The following TENM3 variants were observed in gnomAD, a reference collection of about 807,000 sequenced individuals.
TENM3 encodes the protein teneurin-3.
Under a neutral mutation model 255.1 loss-of-function variants are expected in TENM3, and 63 were observed. That is an observed-to-expected ratio of 0.25 (90% CI 0.20 to 0.30). TENM3 has a LOEUF of 0.30. Ranked by LOEUF, TENM3 falls within the 10% of genes least tolerant of loss-of-function variation. The probability of loss-of-function intolerance (pLI) is 1.00; values close to 1 mark genes in which losing one functional copy is unlikely to be tolerated. For synonymous variants in TENM3, 1,306 were observed against 1,322.3 expected (o/e 0.99, Z 0.27); for missense variants, 2,929 against 3,461.1 (o/e 0.85, Z 3.86).
At chr4:182,399,282 A>G (rs1769065449) in intron 3 of TENM3, among the ~76,000 whole-genome samples, 1 of 152,166 alleles carries the variant, frequency 6.6e-6, no homozygotes, top group Non-Finnish European at 1.5e-5. Context: ...AGAATACTTA[A>G]GTGGTACTTT....
chr4:182,249,305 A>G (rs184361280), intron 1 of TENM3, among the ~76,000 whole-genome samples: 76 of 152,348 alleles, frequency 5.0e-4, no homozygotes, highest in African/African-American at 1.7e-3. Context: ...AAGCAATGAC[A>G]TTGTTAAAAT....
chr4:181,697,284 T>C, the TENM3 span, among the ~76,000 whole-genome samples: 1 of 152,154 alleles, frequency 6.6e-6, no homozygotes, highest in Non-Finnish European at 1.5e-5. Flanking sequence ...CTGCAACATA[T>C]GACCGATTTC....
intron 5 of TENM3, among the ~76,000 whole-genome samples, chr4:182,645,685 A>G (rs1439547383): frequency 2.0e-5 from 3 of 152,122 alleles, no homozygotes; most frequent in Admixed American, 6.6e-5. Context: ...TTTTTGGCAG[A>G]CTTCAGTCTC....
At chr4:181,678,343 G>A in the TENM3 span, among the ~76,000 whole-genome samples, 2 of 152,080 alleles carry the variant, frequency 1.3e-5, no homozygotes, top group Non-Finnish European at 2.9e-5. Context: ...ACTAAGACTC[G>A]AAAATGTGAG....
the TENM3 span, among the ~76,000 whole-genome samples, chr4:181,498,587 T>C: frequency 6.6e-6 from 1 of 152,210 alleles, no homozygotes; most frequent in African/African-American, 2.4e-5. Flanking sequence ...GGCTAACATG[T>C]GGAGCGGGGA....
chr4:182,677,199 A>G (rs1007898457), intron 7 of TENM3, among the ~76,000 whole-genome samples: 8 of 152,186 alleles, frequency 5.3e-5, no homozygotes, highest in Non-Finnish European at 1.0e-4. Flanking sequence ...TCCTGAATTC[A>G]TGTGCGAAAC....
the TENM3 span, among the ~76,000 whole-genome samples, chr4:181,744,227 A>C: frequency 1.3e-5 from 2 of 152,140 alleles, no homozygotes; most frequent in South Asian, 4.1e-4. Flanking sequence ...TCCATTAGTG[A>C]TGGGCATTTA....
chr4:181,781,850 G>A, the TENM3 span, among the ~76,000 whole-genome samples: 1 of 152,244 alleles, frequency 6.6e-6, no homozygotes, highest in Middle Eastern at 3.4e-3. Context: ...TTTTGTCTAA[G>A]GCCTTTTCTG....
intron 22 of TENM3, among the ~76,000 whole-genome samples, chr4:182,765,082 C>T (rs17264104): frequency 6.6e-6 from 1 of 151,614 alleles, no homozygotes; most frequent in Non-Finnish European, 1.5e-5. Context: ...AGATGAGTTC[C>T]GATTCGTAAA....
chr4:182,471,434 T>G (rs1733112171), intron 3 of TENM3, among the ~76,000 whole-genome samples: 1 of 152,220 alleles, frequency 6.6e-6, no homozygotes. Flanking sequence ...CTGTATGGTA[T>G]AGCCTGTTAC....
intron 1 of TENM3, among the ~76,000 whole-genome samples, chr4:182,268,060 C>A (rs999639835): frequency 1.3e-5 from 2 of 152,172 alleles, no homozygotes; most frequent in African/African-American, 4.8e-5. Flanking sequence ...AATCAGCTAA[C>A]AACCCCATGT....
At chr4:182,303,600 G>A (rs373355206) in intron 1 of TENM3, among the ~76,000 whole-genome samples, 2 of 152,122 alleles carry the variant, frequency 1.3e-5, no homozygotes, top group Admixed American at 6.5e-5. Context: ...GTTTTGAGCC[G>A]TAGCTGTCTA....
chr4:181,535,613 A>C, the TENM3 span, among the ~76,000 whole-genome samples: 2 of 152,220 alleles, frequency 1.3e-5, no homozygotes, highest in African/African-American at 4.8e-5. Flanking sequence ...ATAATGGCTT[A>C]CAAAGCCAAA....
chr4:181,635,986 T>C, the TENM3 span, among the ~76,000 whole-genome samples: 1 of 152,062 alleles, frequency 6.6e-6, no homozygotes, highest in East Asian at 1.9e-4. Flanking sequence ...TAAATATACA[T>C]AAACATACAT....
chr4:181,452,857 G>T, the TENM3 span, among the ~76,000 whole-genome samples: 1 of 152,166 alleles, frequency 6.6e-6, no homozygotes, highest in Non-Finnish European at 1.5e-5. Flanking sequence ...TTTGGTGGCA[G>T]GATTTCGAAG....
intron 3 of TENM3, among the ~76,000 whole-genome samples, chr4:182,437,015 C>T (rs1368144280): frequency 3.2e-5 from 3 of 94,016 alleles, no homozygotes; most frequent in Non-Finnish European, 4.4e-5. Context: ...GCAGCAAGAA[C>T]GAAACTCCGC....
At chr4:182,480,511 G>A (rs1201506086) in intron 3 of TENM3, among the ~76,000 whole-genome samples, 1 of 151,898 alleles carries the variant, frequency 6.6e-6, no homozygotes, top group Non-Finnish European at 1.5e-5. Context: ...TTTTAAGTTT[G>A]CTTGTAGGCC....
At chr4:182,542,924 A>C (rs1347766763) in intron 3 of TENM3, among the ~76,000 whole-genome samples, 1 of 152,224 alleles carries the variant, frequency 6.6e-6, no homozygotes. Flanking sequence ...GATGTGAAGA[A>C]CACACGGGTT....
chr4:182,178,293 A>G lies in TENM3; in HGVS notation c.-76+33539A>G, dbSNP rs201943281. Among the ~76,000 whole-genome samples the G allele has an allele frequency of 2.0e-5, 3 of 152,298 alleles. No individual in the cohort carries two copies. The East Asian group carries it at 5.8e-4, about 29-fold the overall frequency. ...TTTTAGATAGATGGCGTCAATTTCT[A>G]CTGCCTCACCAAAAAATTATGTAGC... On this transcript the variant is annotated intron_variant, in intron 1 of 2. Transcript: ENST00000512480.
Sources: gnomAD v4.1 joint callset for allele counts (sites outside exome capture counted in the v4.1 genomes callset) on GRCh38, gnomAD v4.1.1 for gene constraint, MANE v1.5 for transcripts, NCBI Gene and HGNC (gene_info 2026-07-23, HGNC 2026-07-21) for gene names.